UCHL5: variants seen among roughly 807,000 people sequenced by gnomAD.
The protein encoded by UCHL5 is ubiquitin C-terminal hydrolase L5.
Under a neutral mutation model 53.8 loss-of-function variants are expected in UCHL5, and 34 were observed. The ratio of observed to expected loss-of-function variants is 0.63; its 90% CI spans 0.48 to 0.84. UCHL5 has a LOEUF of 0.84. Ranked by LOEUF, UCHL5 falls within the 40% of genes least tolerant of loss-of-function variation. UCHL5 has a pLI of 0.00. For missense variants in UCHL5, 290 were observed against 385.6 expected (o/e 0.75, Z 2.08); for synonymous variants, 111 against 126.3 (o/e 0.88, Z 0.81).
At position 193,016,077 on chromosome 1, in the gene UCHL5, T is replaced by C. The variant is rs912719668; in HGVS notation, c.*274A>G. On this transcript the variant is annotated 3_prime_UTR_variant, in exon 11 of 11. Transcript: ENST00000367454. ...GCATTTTCTAGCTTCATATGGTAGTTAGACAACCAGAAAACTAACAGTTGT... is the reference window on the plus strand; with the variant it reads ...GCATTTTCTAGCTTCATATGGTAGTCAGACAACCAGAAAACTAACAGTTGT... The C allele has an allele frequency of 6.1e-5, 23 of 377,782 alleles. No homozygotes were observed. The highest frequency in any genetic ancestry group is 3.6e-4 in the African/African-American group (17 of 47,550). The allele number at this position is 377,782 out of a possible 1,614,324, so 23.4% of individuals were successfully genotyped here. A position where few individuals can be genotyped will look rare whatever the true frequency, so the allele number is the denominator to read the frequency against.
upstream of UCHL5, chr1:193,059,403 G>A: frequency 6.2e-7 from 1 of 1,610,260 alleles, no homozygotes; most frequent in Non-Finnish European, 8.5e-7. This position sits in a 1 kb window ranked among gnomAD's most constrained non-coding sequence, Gnocchi z 4.9. Context: ...CAGCCTCCGG[G>A]CGCCGTCACC....
chr1:193,059,561 C>A (rs1389302880), upstream of UCHL5: 7 of 1,517,692 alleles, frequency 4.6e-6, no homozygotes, highest in Non-Finnish European at 6.2e-6. This position sits in a 1 kb window ranked among gnomAD's most constrained non-coding sequence, Gnocchi z 4.9. Flanking sequence ...AGGCAACATC[C>A]GGGATCCTCG....
intron 10 of UCHL5, among the ~76,000 whole-genome samples, chr1:193,016,966 T>C (rs1655085926): frequency 6.6e-6 from 1 of 151,820 alleles, no homozygotes; most frequent in Non-Finnish European, 1.5e-5. Context: ...TTTTATTCTT[T>C]AGCAAATGAA....
At chr1:193,021,815 C>T (rs775420121) in intron 9 of UCHL5, among the ~76,000 whole-genome samples, 8 of 152,100 alleles carry the variant, frequency 5.3e-5, no homozygotes, top group Non-Finnish European at 1.2e-4. Flanking sequence ...TCTCTGACTT[C>T]TCCTTTAACT....
intron 3 of UCHL5, among the ~76,000 whole-genome samples, chr1:193,039,297 C>A (rs1664721747): frequency 6.6e-6 from 1 of 152,124 alleles, no homozygotes; most frequent in African/African-American, 2.4e-5. Flanking sequence ...GTAATCCCAG[C>A]TACTCAGGAG....
At chr1:193,042,506 A>C (rs568675313) in intron 3 of UCHL5, among the ~76,000 whole-genome samples, 20 of 152,232 alleles carry the variant, frequency 1.3e-4, no homozygotes, top group Non-Finnish European at 2.6e-4. Flanking sequence ...CCATCATCAT[A>C]ATGTCATCCT....
chr1:193,036,696 C>G (rs1450460513), intron 3 of UCHL5, among the ~76,000 whole-genome samples: 1 of 152,034 alleles, frequency 6.6e-6, no homozygotes, highest in African/African-American at 2.4e-5. Context: ...CTATTTTCAT[C>G]AGCATATGGA....
upstream of UCHL5, chr1:193,059,751 T>A (rs769281190): frequency 4.4e-5 from 59 of 1,355,582 alleles, no homozygotes; most frequent in Middle Eastern, 2.1e-4. The surrounding 1 kb of genome is among the most constrained non-coding windows in gnomAD (Gnocchi z 4.9). Context: ...GCGCTGCGGA[T>A]CCAGGGGGTC....
chr1:193,045,025 TCTA>T (rs1666907485), intron 3 of UCHL5, among the ~76,000 whole-genome samples: 1 of 152,198 alleles, frequency 6.6e-6, no homozygotes, highest in Non-Finnish European at 1.5e-5. Context: ...AAATTCATAC[TCTA>T]CTATCATTTT....
At chr1:193,029,807 CCTAAT>C (rs2102463625) in intron 3 of UCHL5, 150 bp from the exon 4 acceptor site, 3 of 691,344 alleles carry the variant, frequency 4.3e-6, no homozygotes, top group East Asian at 6.6e-5. Flanking sequence ...TAATTTCTAT[CCTAAT>C]CTATTTTCAG....
At chr1:193,051,321 C>A (rs1668963003) in intron 2 of UCHL5, among the ~76,000 whole-genome samples, 1 of 152,020 alleles carries the variant, frequency 6.6e-6, no homozygotes, top group Admixed American at 6.5e-5. Context: ...ATATAACTTT[C>A]CCAGAGGTAA....
Position 193,023,033 on chromosome 1 carries a change from G to T in UCHL5, c.736C>A (p.Pro246Thr), listed in dbSNP as rs1558012682. 17 of 1,607,948 alleles carry T rather than the reference G, an allele frequency of 1.1e-5. No individual in the cohort carries two copies. Among genetic ancestry groups the T allele is most frequent in the Non-Finnish European group, 1.4e-5 (17 of 1,176,122 alleles). ...AELQRQLAEE[P>T]MDTDQGNSML... ...CTATTACCTTGATCTGTATCCATGG[G>T]TTCCTCCTTGGGGGAAGGAAAAGAA... The change falls in exon 9 of 11, where the codon CCC (proline) becomes ACC (threonine). Residue 246 changes from proline to threonine, a missense_variant. Pro to Thr is a conservative substitution (Grantham distance 38, BLOSUM62 -1). Transcript: ENST00000367454.
intron 3 of UCHL5, among the ~76,000 whole-genome samples, chr1:193,048,602 G>C (rs558186448): frequency 6.6e-6 from 1 of 152,174 alleles, no homozygotes; most frequent in Admixed American, 6.5e-5. Context: ...ACCTGAAAAA[G>C]ATAATATTTC....
intron 10 of UCHL5, chr1:193,020,480 T>C: frequency 6.6e-7 from 1 of 1,522,410 alleles, no homozygotes; most frequent in South Asian, 1.3e-5. Flanking sequence ...AGGTAACATG[T>C]ATTTTAAAGA....
chr1:193,058,838 C>A (rs745528133), intron 1 of UCHL5, among the ~76,000 whole-genome samples: 2 of 152,196 alleles, frequency 1.3e-5, no homozygotes, highest in Non-Finnish European at 2.9e-5. Context: ...GGATAAGGTG[C>A]GCGCCGCAGA....
chr1:193,049,210 T>G (rs1009838732), intron 3 of UCHL5, among the ~76,000 whole-genome samples: 1 of 151,666 alleles, frequency 6.6e-6, no homozygotes, highest in African/African-American at 2.4e-5. Context: ...AGGTCAGGAG[T>G]TTGAGACCAG....
intron 10 of UCHL5, among the ~76,000 whole-genome samples, chr1:193,019,372 C>T (rs1393518779): frequency 1.3e-5 from 2 of 151,548 alleles, no homozygotes; most frequent in African/African-American, 4.8e-5. Flanking sequence ...GGAATATCCT[C>T]GCAGCTAGAT....
chr1:193,024,866 G>C (rs1658552789), intron 7 of UCHL5, among the ~76,000 whole-genome samples: 1 of 152,084 alleles, frequency 6.6e-6, no homozygotes, highest in Non-Finnish European at 1.5e-5. Context: ...CATAACTATA[G>C]TAATTTGAAC....
chr1:193,037,090 G>A (rs1663805207), intron 3 of UCHL5, among the ~76,000 whole-genome samples: 1 of 151,544 alleles, frequency 6.6e-6, no homozygotes, highest in Non-Finnish European at 1.5e-5. Flanking sequence ...CAAGGAACTA[G>A]AAAAGCAGGA....
Sources: allele counts gnomAD v4.1 joint callset (sites outside exome capture counted in the v4.1 genomes callset), GRCh38; gene constraint gnomAD v4.1.1; non-coding constraint Gnocchi (gnomAD v3.1); transcripts MANE v1.5; gene names NCBI Gene and HGNC (gene_info 2026-07-23, HGNC 2026-07-21).